The following CELF2 variants were observed in gnomAD, a reference collection of about 807,000 sequenced individuals.
CELF2 encodes the protein CUGBP Elav-like family member 2, also known as CUG triplet repeat RNA-binding protein 2.
CELF2 carries 8 observed loss-of-function variants against 62.6 expected under a neutral mutation model. The observed-to-expected ratio is 0.13, with a 90% CI of 0.07 to 0.23. The LOEUF is 0.23. Among genes scored for constraint, CELF2 ranks in the 10% least tolerant of loss-of-function variants. The pLI, the probability that CELF2 is intolerant of heterozygous loss-of-function variation, is 1.00. For missense variants in CELF2, 333 were observed against 671.0 expected (o/e 0.50, Z 5.56); for synonymous variants, 258 against 250.0 (o/e 1.03, Z -0.30).
At chr10:10,697,128 A>G in the CELF2 span, among the ~76,000 whole-genome samples, 77 of 152,304 alleles carry the variant, frequency 5.1e-4, 1 homozygote, top group African/African-American at 1.7e-3. Context: ...CAAAAAAAAA[A>G]AAGTGGTTGT....
chr10:11,262,939 A>ACTTTTTTTTTTTTTT, intron 5 of CELF2, among the ~76,000 whole-genome samples: 1 of 10,440 alleles, frequency 9.6e-5, no homozygotes, highest in Non-Finnish European at 2.8e-4. Context: ...AAGTGGCTTT[A>ACTTTTTTTTTTTTTT]CTTTTTTTTT....
chr10:10,476,736 C>A, the CELF2 span, among the ~76,000 whole-genome samples: 1 of 151,986 alleles, frequency 6.6e-6, no homozygotes, highest in South Asian at 2.1e-4. Flanking sequence ...AAAATGAGAA[C>A]CTTTGCATAT....
chr10:10,670,229 C>T, the CELF2 span, among the ~76,000 whole-genome samples: 27 of 152,248 alleles, frequency 1.8e-4, no homozygotes, highest in East Asian at 4.1e-3. Context: ...ATAGCATATG[C>T]TCAACATATA....
At chr10:10,561,544 A>C in the CELF2 span, among the ~76,000 whole-genome samples, 1 of 152,242 alleles carries the variant, frequency 6.6e-6, no homozygotes, top group African/African-American at 2.4e-5. Flanking sequence ...GACATTAAGT[A>C]TCTTGGATTT....
the CELF2 span, among the ~76,000 whole-genome samples, chr10:10,785,565 A>G: frequency 2.0e-5 from 3 of 152,206 alleles, no homozygotes; most frequent in Admixed American, 1.3e-4. Flanking sequence ...AGATCCTGTT[A>G]TTTGTGACAA....
At chr10:10,978,723 C>T (rs1160348630) in intron 2 of CELF2, among the ~76,000 whole-genome samples, 4 of 152,072 alleles carry the variant, frequency 2.6e-5, no homozygotes, top group African/African-American at 7.2e-5. Context: ...CAACCACTAC[C>T]GATTATATGG....
At chr10:11,312,909 G>GCA (rs2094650430) in intron 9 of CELF2, among the ~76,000 whole-genome samples, 1 of 152,208 alleles carries the variant, frequency 6.6e-6, no homozygotes, top group South Asian at 2.1e-4. Flanking sequence ...ACTCCAGTCT[G>GCA]GGCGACAGAG....
intron 1 of CELF2, among the ~76,000 whole-genome samples, chr10:10,812,936 G>A (rs895549198): frequency 2.0e-5 from 3 of 152,164 alleles, no homozygotes; most frequent in Non-Finnish European, 4.4e-5. Context: ...TTTCTACTAT[G>A]AGATATTGAA....
At chr10:11,144,381 G>T (rs535979609) in intron 1 of CELF2, among the ~76,000 whole-genome samples, 1 of 152,238 alleles carries the variant, frequency 6.6e-6, no homozygotes, top group African/African-American at 2.4e-5. Flanking sequence ...ATCTGCTGGG[G>T]ATGAAACACA....
At chr10:10,533,943 A>G in the CELF2 span, among the ~76,000 whole-genome samples, 1 of 152,202 alleles carries the variant, frequency 6.6e-6, no homozygotes, top group Non-Finnish European at 1.5e-5. Flanking sequence ...AAAACAAAAT[A>G]CCTCTAAGTA....
chr10:11,304,907 T>C (rs2094083811), intron 9 of CELF2, among the ~76,000 whole-genome samples: 1 of 152,140 alleles, frequency 6.6e-6, no homozygotes, highest in Non-Finnish European at 1.5e-5. Flanking sequence ...GAGAACATAA[T>C]AGTAATTTTT....
the CELF2 span, among the ~76,000 whole-genome samples, chr10:10,617,587 T>C: frequency 6.6e-6 from 1 of 152,068 alleles, no homozygotes; most frequent in Admixed American, 6.5e-5. Context: ...TAACCTGGGC[T>C]CTTAACCCAG....
At chr10:10,971,582 TG>T (rs2050759655) in intron 2 of CELF2, among the ~76,000 whole-genome samples, 1 of 152,014 alleles carries the variant, frequency 6.6e-6, no homozygotes, top group Non-Finnish European at 1.5e-5. Flanking sequence ...GTTGTTTGTT[TG>T]TTTTTGTTGT....
chr10:11,288,745 A>C (rs906235207), intron 9 of CELF2, among the ~76,000 whole-genome samples, 193 bp downstream of exon 9: 17 of 152,290 alleles, frequency 1.1e-4, no homozygotes, highest in African/African-American at 4.1e-4. Context: ...TTTATTTTCC[A>C]TGGATAATAT....
At chr10:11,193,689 T>C (rs2056632631) in intron 2 of CELF2, among the ~76,000 whole-genome samples, 1 of 152,174 alleles carries the variant, frequency 6.6e-6, no homozygotes, top group East Asian at 1.9e-4. Flanking sequence ...GAGGGGCCAA[T>C]ATAGGTTTCG....
At chr10:10,688,226 T>C in the CELF2 span, among the ~76,000 whole-genome samples, 1 of 152,226 alleles carries the variant, frequency 6.6e-6, no homozygotes, top group Non-Finnish European at 1.5e-5. Context: ...GTCCTGTAAC[T>C]GCAGCTTGAA....
intron 1 of CELF2, among the ~76,000 whole-genome samples, chr10:11,099,874 A>ACAG (rs2050958210): frequency 1.7e-5 from 2 of 117,508 alleles, no homozygotes; most frequent in South Asian, 5.0e-4. Flanking sequence ...CATTAAAACA[A>ACAG]CAACAACAAC....
At chr10:10,582,431 G>GAAATATAT in the CELF2 span, among the ~76,000 whole-genome samples, 1 of 152,096 alleles carries the variant, frequency 6.6e-6, no homozygotes, top group Non-Finnish European at 1.5e-5. Flanking sequence ...TTTTTTCATA[G>GAAATATAT]AAATATATAA....
chr10:10,827,551 T>G (rs914252777), intron 1 of CELF2, among the ~76,000 whole-genome samples: 7 of 152,230 alleles, frequency 4.6e-5, no homozygotes, highest in African/African-American at 1.4e-4. Context: ...TCACCCTAGC[T>G]ACCAAGGATG....
Sources: gnomAD v4.1 joint callset for allele counts (sites outside exome capture counted in the v4.1 genomes callset) on GRCh38, gnomAD v4.1.1 for gene constraint, MANE v1.5 for transcripts, NCBI Gene and HGNC (gene_info 2026-07-23, HGNC 2026-07-21) for gene names.